The following MEG3 variants were observed in gnomAD, a reference collection of about 807,000 sequenced individuals.
MEG3 encodes the protein maternally expressed 3.
chr14:100,827,771 T>C (rs1370448191), intron 1 of MEG3, among the ~76,000 whole-genome samples: 2 of 152,132 alleles, frequency 1.3e-5, no homozygotes, highest in African/African-American at 4.8e-5. Context: ...ATGTCACAGG[T>C]TCTGTCTCTC....
upstream of MEG3, chr14:100,852,598 G>C: frequency 2.8e-6 from 1 of 357,878 alleles, no homozygotes; most frequent in Admixed American, 3.7e-5. Flanking sequence ...GACAAGCTGT[G>C]TCACTGTTGG....
chr14:100,833,542 G>C (rs932591184), downstream of MEG3: 1 of 152,478 alleles, frequency 6.6e-6, no homozygotes, highest in Non-Finnish European at 1.5e-5. Flanking sequence ...ACAGGCGTGA[G>C]CCACCATGCC....
At chr14:100,860,532 G>A (rs551073210) in intron 1 of MEG3, among the ~76,000 whole-genome samples, 1 of 152,270 alleles carries the variant, frequency 6.6e-6, no homozygotes, top group African/African-American at 2.4e-5. Flanking sequence ...CGAGCTGGTG[G>A]CTGGGTGCTC....
intron 1 of MEG3, among the ~76,000 whole-genome samples, chr14:100,828,100 G>A (rs1369314606): frequency 6.6e-6 from 1 of 152,056 alleles, no homozygotes; most frequent in Non-Finnish European, 1.5e-5. Flanking sequence ...TGGCGCGGTG[G>A]CCTGGGGTGG....
chr14:100,844,816 AAAAAC>A (rs1273566185), intron 2 of MEG3, among the ~76,000 whole-genome samples: 5 of 152,240 alleles, frequency 3.3e-5, no homozygotes, highest in Non-Finnish European at 5.9e-5. Context: ...ATAAAAAAGA[AAAAAC>A]AAAACAAAAC....
intron 2 of MEG3, among the ~76,000 whole-genome samples, chr14:100,839,590 G>T (rs1000241174): frequency 6.6e-6 from 1 of 152,208 alleles, no homozygotes; most frequent in Non-Finnish European, 1.5e-5. Context: ...GTTCTTGGGG[G>T]AGTCTAAGGA....
intron 2 of MEG3, chr14:100,828,895 A>G (rs1260403221): frequency 6.6e-6 from 1 of 151,842 alleles, no homozygotes; most frequent in East Asian, 2.0e-4. Context: ...TCCTTGCACC[A>G]CCCCCAGACC....
chr14:100,834,554 C>A, exon 1 of MEG3: 2 of 391,956 alleles, frequency 5.1e-6, no homozygotes, highest in Non-Finnish European at 1.0e-5. Flanking sequence ...CTCCTTGAGT[C>A]CCTGCTTTTT....
At chr14:100,849,680 A>T (rs1444130185) in intron 3 of MEG3, 1 of 152,226 alleles carries the variant, frequency 6.6e-6, no homozygotes, top group Non-Finnish European at 1.5e-5. Context: ...TAAGAGTAGG[A>T]TCTGTTAGGA....
At chr14:100,826,901 C>A (rs1292295310) in intron 1 of MEG3, among the ~76,000 whole-genome samples, 1 of 151,946 alleles carries the variant, frequency 6.6e-6, no homozygotes, top group African/African-American at 2.4e-5. Context: ...GCAAACCTGC[C>A]AGTAGCCCCC....
chr14:100,831,364 C>T (rs1470710940), downstream of MEG3: 1 of 152,744 alleles, frequency 6.5e-6, no homozygotes, highest in Non-Finnish European at 1.5e-5. Flanking sequence ...CTGGAGCCTC[C>T]CAGGTCCCTG....
intron 3 of MEG3, chr14:100,849,512 T>G (rs2038008682): frequency 1.3e-5 from 2 of 152,346 alleles, no homozygotes; most frequent in South Asian, 4.1e-4. Context: ...CATCTCACTC[T>G]GGGCACCTGA....
exon 1 of MEG3, chr14:100,834,687 G>T (rs1400593485): frequency 6.8e-5 from 31 of 456,614 alleles, no homozygotes; most frequent in South Asian, 4.6e-4. Context: ...TCCTCAGGGT[G>T]TCCCAGCACC....
At chr14:100,850,813 C>G (rs1458348824) in intron 3 of MEG3, 1 of 152,112 alleles carries the variant, frequency 6.6e-6, no homozygotes, top group Non-Finnish European at 1.5e-5. Context: ...AGTCCATAAA[C>G]AAAGGACTCA....
At chr14:100,835,933 G>C (rs74080162) in intron 1 of MEG3, 53,918 of 319,334 alleles carry the variant, frequency 0.17, 4,906 homozygotes, top group African/African-American at 0.22. Context: ...AGAGTCCTGG[G>C]CTCTGCCCCG....
At chr14:100,860,540 C>T (rs973093811) in intron 1 of MEG3, among the ~76,000 whole-genome samples, 2 of 152,140 alleles carry the variant, frequency 1.3e-5, no homozygotes, top group Non-Finnish European at 2.9e-5. Flanking sequence ...TGGCTGGGTG[C>T]TCCCCTCACC....
chr14:100,827,258 G>T (rs2037263771), intron 1 of MEG3, among the ~76,000 whole-genome samples: 1 of 151,854 alleles, frequency 6.6e-6, no homozygotes, highest in African/African-American at 2.4e-5. Flanking sequence ...GCGCAGGCGG[G>T]TGGCTACGTG....
chr14:100,837,756 G>A lies in MEG3; in HGVS notation n.3045+1456G>A, dbSNP rs1180180767. Among the ~76,000 whole-genome samples, 1 of 152,078 alleles carries A rather than the reference G, an allele frequency of 6.6e-6. No homozygotes were observed. Among genetic ancestry groups the A allele is most frequent in the Non-Finnish European group, 1.5e-5 (1 of 68,022 alleles). ...AGGATTTGGAGACAGCTCTCCTGCA[G>A]CCCTGCACTTCTCCCCTGAAATTGA... On this transcript the variant is annotated intron_variant and non_coding_transcript_variant, in intron 2 of 3. Coordinates refer to the MEG3 transcript ENST00000398461. The surrounding 1 kb of genome is among the most constrained non-coding windows in gnomAD (Gnocchi z 5.8).
At chr14:100,854,166 C>T (rs2038171073), upstream of MEG3, 1 of 152,214 alleles carries the variant, frequency 6.6e-6, no homozygotes, top group Admixed American at 6.5e-5. Flanking sequence ...CAATGTATGA[C>T]CACTTAATTA....
Sources: allele counts gnomAD v4.1 joint callset (sites outside exome capture counted in the v4.1 genomes callset), GRCh38; gene constraint gnomAD v4.1.1; non-coding constraint Gnocchi (gnomAD v3.1); transcripts MANE v1.5; gene names NCBI Gene and HGNC (gene_info 2026-07-23, HGNC 2026-07-21).